The following FRMD5 variants were observed in gnomAD, a reference collection of about 807,000 sequenced individuals.
FRMD5 encodes FERM domain-containing protein 5.
In FRMD5, 20 loss-of-function variants were observed where a neutral mutation model predicts 69.0. That is an observed-to-expected ratio of 0.29 (90% CI 0.20 to 0.42). The LOEUF (loss-of-function observed/expected upper bound fraction) is 0.42. Among genes scored for constraint, FRMD5 ranks in the 10% least tolerant of loss-of-function variants. The pLI is 1.00. For missense variants in FRMD5, 595 were observed against 708.6 expected, an observed-to-expected ratio of 0.84 and a Z score of 1.82; for synonymous variants, 271 against 260.1, an observed-to-expected ratio of 1.04 and a Z score of -0.40.
At position 43,873,317 on chromosome 15, in the gene FRMD5, C is replaced by CT. The variant is rs563384447; in HGVS notation, c.*567dup. On this transcript the variant is annotated 3_prime_UTR_variant, in exon 14 of 14. Transcript: ENST00000417257. ...TTTAATCATTCTACATGGATGTTTA[C>CT]TTTTTTAAAAGTTCTGGCTGGCAAA... is the stretch of plus-strand genomic sequence containing the variant. The CT allele has an allele frequency of 9.4e-4, 1,421 of 1,506,670 alleles. 2 individuals carry two copies. The highest frequency in any genetic ancestry group is 1.2e-3 in the Non-Finnish European group (1,319 of 1,132,408). 93.3% of individuals were successfully genotyped at this position (1,506,670 alleles called of 1,614,324 possible).
chr15:44,013,110 T>C (rs1400495404), intron 1 of FRMD5, among the ~76,000 whole-genome samples: 1 of 152,180 alleles, frequency 6.6e-6, no homozygotes, highest in African/African-American at 2.4e-5. Flanking sequence ...AAGCACACAT[T>C]GATTTCTGAA....
Position 43,873,541 on chromosome 15 carries a change from AAT to A in FRMD5, c.*342_*343del. On this transcript the variant is annotated 3_prime_UTR_variant, in exon 14 of 14. Coordinates refer to ENST00000417257, the MANE Select transcript of FRMD5 (RefSeq NM_032892.5). ...CTACTGCAATAATCAGTAATAGTAA[AAT>A]AAATTATTTTTATTTGATACTTCAA... 1 of 1,392,458 alleles carries A rather than the reference AAT, an allele frequency of 7.2e-7. No individual in the cohort carries two copies. The highest frequency in any genetic ancestry group is 9.3e-7 in the Non-Finnish European group (1 of 1,073,054). The allele number at this position is 1,392,458 out of a possible 1,614,324, so 86.3% of individuals were successfully genotyped here. A position where few individuals can be genotyped will look rare whatever the true frequency, so the allele number is the denominator to read the frequency against.
At chr15:43,953,696 T>C (rs973021398) in intron 1 of FRMD5, among the ~76,000 whole-genome samples, 2 of 152,262 alleles carry the variant, frequency 1.3e-5, no homozygotes, top group South Asian at 2.1e-4. Flanking sequence ...TTTACACTCC[T>C]GTGCCAACAG....
At chr15:44,053,499 T>C (rs1193737891) in intron 1 of FRMD5, among the ~76,000 whole-genome samples, 1 of 152,004 alleles carries the variant, frequency 6.6e-6, no homozygotes, top group African/African-American at 2.4e-5. Flanking sequence ...GCTAGAGAGC[T>C]TGGATGGGAG....
chr15:43,937,460 A>G (rs534072662), intron 1 of FRMD5, among the ~76,000 whole-genome samples: 1 of 152,184 alleles, frequency 6.6e-6, no homozygotes, highest in Non-Finnish European at 1.5e-5. Flanking sequence ...TAACATGGCA[A>G]AACCCTGTCT....
intron 1 of FRMD5, among the ~76,000 whole-genome samples, chr15:44,135,908 T>A (rs1489119437): frequency 6.6e-6 from 1 of 152,094 alleles, no homozygotes; most frequent in Non-Finnish European, 1.5e-5. Context: ...ATATTTTTGC[T>A]TATTTCCTGA....
chr15:43,960,479 G>A (rs550509132), intron 1 of FRMD5, among the ~76,000 whole-genome samples: 38 of 152,286 alleles, frequency 2.5e-4, no homozygotes, highest in African/African-American at 8.2e-4. Context: ...TCGATCTCCC[G>A]ACCTCATGAT....
intron 6 of FRMD5, 50 bp downstream of exon 6, chr15:43,905,778 C>T (rs182978048): frequency 1.6e-5 from 25 of 1,609,706 alleles, no homozygotes; most frequent in Admixed American, 1.3e-4. Flanking sequence ...CCTGCGTGCT[C>T]AGGCTGTGGA....
At chr15:44,024,397 C>A (rs1420809584) in intron 1 of FRMD5, among the ~76,000 whole-genome samples, 2 of 152,136 alleles carry the variant, frequency 1.3e-5, no homozygotes, top group Non-Finnish European at 2.9e-5. Flanking sequence ...TCCAGAGTGG[C>A]ATATCATTTT....
At chr15:43,894,616 G>A (rs994294134) in intron 7 of FRMD5, among the ~76,000 whole-genome samples, 1 of 152,102 alleles carries the variant, frequency 6.6e-6, no homozygotes, top group Non-Finnish European at 1.5e-5. Context: ...GGGCCTGCAG[G>A]AGGCTACTGG....
chr15:43,903,274 G>A (rs2089090371), intron 6 of FRMD5, among the ~76,000 whole-genome samples: 1 of 152,220 alleles, frequency 6.6e-6, no homozygotes, highest in South Asian at 2.1e-4. Context: ...TCTGATGGCT[G>A]GTGGACAGGA....
rs2089726656 is a variant in FRMD5 at position 43,934,532 on chromosome 15, A to G, written c.103-10223T>C. On this transcript the variant is annotated intron_variant, in intron 1 of 13. Coordinates refer to ENST00000417257, the MANE Select transcript of FRMD5 (RefSeq NM_032892.5). The stretch of plus-strand genomic sequence containing the variant: ...CTAGTGTAATTAATCTAAAAAACTC[A>G]GGGCCATTGCTCAAAGTAAATGGAA... Among the ~76,000 whole-genome samples, 3 of 152,238 alleles carry G rather than the reference A, an allele frequency of 2.0e-5. No homozygotes were observed. In the South Asian group the frequency reaches 6.2e-4, roughly 32 times the overall value.
intron 7 of FRMD5, among the ~76,000 whole-genome samples, chr15:43,893,702 G>T (rs2088849518): frequency 1.3e-5 from 2 of 152,196 alleles, no homozygotes; most frequent in Admixed American, 1.3e-4. Flanking sequence ...TGGGTGTGGG[G>T]GCTGAGGCTG....
chr15:44,195,047 C>T lies in FRMD5; in HGVS notation c.8G>A (p.Ser3Asn), dbSNP rs1189536627. ...CCTGCTGCTGCCGCTCATCAACCTG[C>T]TCAGCATCTTCCCGCCCGCCCGCCC... Reference protein sequence around the residue: MLSRLMSGSSRSL... With the variant: MLNRLMSGSSRSL... The change falls in exon 1 of 14, where the codon AGC becomes AAC. Residue 3 changes from serine (S) to asparagine (N), a missense_variant. This residue lies in a region of FRMD5 where 44 missense variants were observed against 33.6 expected (regional missense o/e 1.31). Coordinates refer to ENST00000417257, the MANE Select transcript of FRMD5 (RefSeq NM_032892.5). 1 of 1,542,336 alleles carries T rather than the reference C, an allele frequency of 6.5e-7. No homozygotes were observed.
intron 1 of FRMD5, among the ~76,000 whole-genome samples, chr15:44,132,910 T>C (rs1374878815): frequency 1.3e-5 from 2 of 151,782 alleles, no homozygotes; most frequent in East Asian, 3.9e-4. Flanking sequence ...CTACAAGTGC[T>C]TGCCACCATG....
At chr15:43,968,724 C>T (rs2090332439) in intron 1 of FRMD5, among the ~76,000 whole-genome samples, 2 of 152,056 alleles carry the variant, frequency 1.3e-5, no homozygotes, top group African/African-American at 4.8e-5. Context: ...GTTTTTCTTT[C>T]TGTAATTTGA....
At chr15:44,155,740 C>G (rs1203647542) in intron 1 of FRMD5, among the ~76,000 whole-genome samples, 1 of 150,776 alleles carries the variant, frequency 6.6e-6, no homozygotes, top group Non-Finnish European at 1.5e-5. Flanking sequence ...AATACAGGCA[C>G]CCATCACCAC....
intron 1 of FRMD5, among the ~76,000 whole-genome samples, chr15:44,004,657 T>C (rs1158305902): frequency 6.6e-6 from 1 of 152,210 alleles, no homozygotes; most frequent in Non-Finnish European, 1.5e-5. Flanking sequence ...TTCCCCCAAC[T>C]CAGTCCCTCT....
intron 1 of FRMD5, among the ~76,000 whole-genome samples, chr15:44,135,031 T>C (rs2077161286): frequency 6.6e-6 from 1 of 152,106 alleles, no homozygotes; most frequent in African/African-American, 2.4e-5. Flanking sequence ...AAGAGACTAT[T>C]GAGGGATAAG....
Sources: allele counts gnomAD v4.1 joint callset (sites outside exome capture counted in the v4.1 genomes callset), GRCh38; gene constraint gnomAD v4.1.1; regional missense constraint gnomAD v4.1.1; transcripts MANE v1.5; gene names NCBI Gene and HGNC (gene_info 2026-07-23, HGNC 2026-07-21).